CTNNA3: variants seen among roughly 807,000 people sequenced by gnomAD.
The protein encoded by CTNNA3 is catenin alpha-3.
A neutral mutation model predicts 95.7 loss-of-function variants in CTNNA3; 76 were observed. The observed-to-expected ratio is 0.79, with a 90% CI of 0.66 to 0.96. The LOEUF is 0.96. Among genes scored for constraint, CTNNA3 ranks in the 40% least tolerant of loss-of-function variants. The probability of loss-of-function intolerance (pLI) is 0.00; values close to 1 mark genes in which losing one functional copy is unlikely to be tolerated. For missense variants in CTNNA3, 1,191 were observed against 1,089.8 expected (o/e 1.09, Z -1.31); for synonymous variants, 431 against 374.4 (o/e 1.15, Z -1.74).
chr10:66,473,672 C>A (rs185554172), intron 11 of CTNNA3, among the ~76,000 whole-genome samples: 4 of 152,004 alleles, frequency 2.6e-5, no homozygotes, highest in Admixed American at 2.0e-4. Context: ...TGCCTCCCCC[C>A]ACTCCACAAC....
chr10:66,699,997 T>C (rs932138677), intron 9 of CTNNA3, among the ~76,000 whole-genome samples: 6 of 152,098 alleles, frequency 3.9e-5, no homozygotes, highest in Non-Finnish European at 7.4e-5. Context: ...CTTGGTTTTT[T>C]TTTGTTTTGT....
At chr10:66,711,858 C>G (rs573024977) in intron 9 of CTNNA3, among the ~76,000 whole-genome samples, 10 of 152,240 alleles carry the variant, frequency 6.6e-5, no homozygotes, top group African/African-American at 1.9e-4. Context: ...AAGTGAGCCA[C>G]TATACCCAAA....
intron 11 of CTNNA3, among the ~76,000 whole-genome samples, chr10:66,491,336 A>G (rs1433052855): frequency 6.6e-6 from 1 of 152,154 alleles, no homozygotes; most frequent in Admixed American, 6.5e-5. Flanking sequence ...TAGAAAATAC[A>G]AGAAGAAAAA....
chr10:67,263,527 A>G (rs1159511011), intron 5 of CTNNA3, among the ~76,000 whole-genome samples: 2 of 152,142 alleles, frequency 1.3e-5, no homozygotes, highest in African/African-American at 4.8e-5. Flanking sequence ...ATTCATTATA[A>G]AAAAGGAAAA....
At chr10:67,338,377 C>A (rs1349189798) in intron 5 of CTNNA3, among the ~76,000 whole-genome samples, 2 of 152,082 alleles carry the variant, frequency 1.3e-5, no homozygotes, top group African/African-American at 2.4e-5. Flanking sequence ...AAGGGGAGTA[C>A]ACCAAGCCAT....
rs553288695 is a variant in CTNNA3, at chr10:66,356,218, TG to T, written c.1732+22933del. Among the ~76,000 whole-genome samples, 700 of 151,334 alleles carry T rather than the reference TG, an allele frequency of 4.6e-3. 5 individuals carry two copies. Among genetic ancestry groups the T allele is most frequent in the African/African-American group, 0.016 (651 of 41,318 alleles). On this transcript the variant is annotated intron_variant, in intron 12 of 17. Coordinates refer to ENST00000433211, the MANE Select transcript of CTNNA3 (RefSeq NM_013266.4). ...TCTTTAGAATCAGCTTATATATAGC[TG>T]GAAAAAAATTCTGCTAGGATTTTGA...
At chr10:67,605,815 C>T (rs1251552451) in intron 3 of CTNNA3, among the ~76,000 whole-genome samples, 5 of 152,040 alleles carry the variant, frequency 3.3e-5, no homozygotes, top group African/African-American at 1.2e-4. Context: ...AGTTTACAGG[C>T]GCCTGCCACC....
chr10:67,641,455 C>T (rs572200938), intron 2 of CTNNA3, among the ~76,000 whole-genome samples: 5 of 152,176 alleles, frequency 3.3e-5, no homozygotes, highest in Middle Eastern at 6.3e-3. Flanking sequence ...GTGGTGATTC[C>T]TCAGGGGTCT....
At chr10:67,702,243 CAGGAATTGAACTCA>C (rs1841045501) in intron 1 of CTNNA3, among the ~76,000 whole-genome samples, 1 of 152,082 alleles carries the variant, frequency 6.6e-6, no homozygotes, top group Non-Finnish European at 1.5e-5. Flanking sequence ...CAAGGATACC[CAGGAATTGAACTCA>C]GCTCTGCACC....
At chr10:67,516,950 T>C (rs187826753) in intron 5 of CTNNA3, among the ~76,000 whole-genome samples, 58 of 152,326 alleles carry the variant, frequency 3.8e-4, no homozygotes, top group Admixed American at 2.6e-3. Context: ...TTTTTAAGGC[T>C]AAATAATATT....
At chr10:67,603,065 C>T (rs1843139098) in intron 3 of CTNNA3, among the ~76,000 whole-genome samples, 1 of 152,140 alleles carries the variant, frequency 6.6e-6, no homozygotes, top group South Asian at 2.1e-4. Flanking sequence ...ATTTACTAAA[C>T]AAGTACATCA....
At chr10:66,115,373 G>C (rs941582745) in intron 13 of CTNNA3, among the ~76,000 whole-genome samples, 5 of 152,112 alleles carry the variant, frequency 3.3e-5, no homozygotes, top group African/African-American at 1.2e-4. Flanking sequence ...TTGTTCTGTG[G>C]ATGCGTAAAA....
intron 10 of CTNNA3, among the ~76,000 whole-genome samples, chr10:66,526,981 T>C (rs2132037837): frequency 6.6e-6 from 1 of 152,322 alleles, no homozygotes; most frequent in African/African-American, 2.4e-5. Flanking sequence ...TTTGTGCTTT[T>C]GGTGTCATAT....
At chr10:66,790,549 A>C (rs1840930210) in intron 7 of CTNNA3, among the ~76,000 whole-genome samples, 1 of 152,206 alleles carries the variant, frequency 6.6e-6, no homozygotes, top group Non-Finnish European at 1.5e-5. Flanking sequence ...AATAATATAA[A>C]CAACAATAAT....
At chr10:67,647,942 A>T (rs895368957) in intron 1 of CTNNA3, among the ~76,000 whole-genome samples, 5 of 152,170 alleles carry the variant, frequency 3.3e-5, no homozygotes, top group Admixed American at 3.3e-4. Flanking sequence ...GACAAGGAAC[A>T]AGTAAACCTT....
chr10:67,017,725 C>CTGTG (rs10586644), intron 7 of CTNNA3, among the ~76,000 whole-genome samples: 4,975 of 147,960 alleles, frequency 0.034, 125 homozygotes, highest in Non-Finnish European at 0.041. Context: ...CAAAAATCAT[C>CTGTG]TGTGTGTGTG....
At chr10:67,621,469 G>A (rs1843840943) in intron 2 of CTNNA3, among the ~76,000 whole-genome samples, 1 of 152,098 alleles carries the variant, frequency 6.6e-6, no homozygotes, top group African/African-American at 2.4e-5. Flanking sequence ...GTCAGTCTAG[G>A]CCAGGCGCAG....
chr10:66,547,480 C>G (rs917103696), intron 10 of CTNNA3, among the ~76,000 whole-genome samples: 3 of 150,378 alleles, frequency 2.0e-5, no homozygotes, highest in African/African-American at 7.3e-5. Context: ...GTAGCTGGGA[C>G]TACAGGCGCC....
intron 3 of CTNNA3, among the ~76,000 whole-genome samples, chr10:67,547,898 TC>T (rs1262004746): frequency 6.6e-6 from 1 of 152,184 alleles, no homozygotes; most frequent in Non-Finnish European, 1.5e-5. Flanking sequence ...AAATAAATGA[TC>T]ATATCTCATG....
Sources: allele counts gnomAD v4.1 joint callset (sites outside exome capture counted in the v4.1 genomes callset), GRCh38; gene constraint gnomAD v4.1.1; transcripts MANE v1.5; gene names NCBI Gene and HGNC (gene_info 2026-07-23, HGNC 2026-07-21).